The following SLC24A4 variants were observed in gnomAD, a reference collection of about 807,000 sequenced individuals.
The protein encoded by SLC24A4 is sodium/potassium/calcium exchanger 4.
Under a neutral mutation model 79.0 loss-of-function variants are expected in SLC24A4, and 53 were observed. The ratio of observed to expected loss-of-function variants is 0.67; its 90% CI spans 0.54 to 0.84. The LOEUF (loss-of-function observed/expected upper bound fraction) is 0.84. Ranked by LOEUF, SLC24A4 falls within the 40% of genes least tolerant of loss-of-function variation. The pLI is 0.00. For synonymous variants in SLC24A4, 323 were observed against 323.8 expected (o/e 1.00, Z 0.03); for missense variants, 731 against 822.0 (o/e 0.89, Z 1.35).
chr14:92,325,080 T>C (rs576855405), intron 1 of SLC24A4, among the ~76,000 whole-genome samples: 7 of 152,088 alleles, frequency 4.6e-5, no homozygotes, highest in Non-Finnish European at 8.8e-5. Flanking sequence ...GTTTGGATTT[T>C]TTTCCCCCCT....
intron 2 of SLC24A4, among the ~76,000 whole-genome samples, chr14:92,417,982 G>A (rs192287735): frequency 3.1e-3 from 468 of 152,312 alleles, no homozygotes; most frequent in African/African-American, 0.011. Flanking sequence ...TGCTCAACCA[G>A]CACCCACTGA....
At chr14:92,392,970 G>T (rs1286227151) in intron 2 of SLC24A4, among the ~76,000 whole-genome samples, 1 of 146,544 alleles carries the variant, frequency 6.8e-6, no homozygotes, top group East Asian at 2.1e-4. Context: ...ATCTATGAGG[G>T]ACACCTGTTC....
chr14:92,490,564 A>G lies in SLC24A4; in HGVS notation c.1538-1101A>G, dbSNP rs1028861455. Among the ~76,000 whole-genome samples the G allele has an allele frequency of 2.0e-5, 3 of 152,148 alleles. No homozygotes were observed. The highest frequency in any genetic ancestry group is 4.4e-5 in the Non-Finnish European group (3 of 68,020). On this transcript the variant is annotated intron_variant, in intron 14 of 16. Coordinates refer to ENST00000532405, the MANE Select transcript of SLC24A4 (RefSeq NM_153646.4). This position sits in a 1 kb window ranked among gnomAD's most constrained non-coding sequence, Gnocchi z 4.3. ...CGTGGGTGCTGTTGCCTGGGTCCCA[A>G]ATATGCTTCAAGGCTTGGTAAAAAG...
chr14:92,352,071 C>T (rs1398298419), intron 2 of SLC24A4, among the ~76,000 whole-genome samples: 1 of 152,028 alleles, frequency 6.6e-6, no homozygotes, highest in African/African-American at 2.4e-5. Context: ...CCCATTTGAG[C>T]CCCTGCTGTT....
rs1892461415 is a variant in SLC24A4 at position 92,441,051 on chromosome 14, C to T, written c.394-1038C>T. Reference sequence around the variant, plus strand: ...GGTGGCCGGCTTCTGCCCTGGAGATCGATGCTGTGCCCCCACCCCAGACTC... The same window carrying T: ...GGTGGCCGGCTTCTGCCCTGGAGATTGATGCTGTGCCCCCACCCCAGACTC... On this transcript the variant is annotated intron_variant, in intron 4 of 16. Coordinates refer to ENST00000532405, the MANE Select transcript of SLC24A4 (RefSeq NM_153646.4). This position sits in a 1 kb window ranked among gnomAD's most constrained non-coding sequence, Gnocchi z 4.6. Among the ~76,000 whole-genome samples, 1 of 152,066 alleles carries T rather than the reference C, an allele frequency of 6.6e-6. No individual in the cohort carries two copies. The highest frequency in any genetic ancestry group is 1.5e-5 in the Non-Finnish European group (1 of 68,008).
chr14:92,395,398 C>T (rs991829153), intron 2 of SLC24A4, among the ~76,000 whole-genome samples: 1 of 150,894 alleles, frequency 6.6e-6, no homozygotes, highest in Non-Finnish European at 1.5e-5. Context: ...AGCCTCCTTA[C>T]AGGCCAGGGA....
At chr14:92,358,014 A>G (rs1206037147) in intron 2 of SLC24A4, among the ~76,000 whole-genome samples, 1 of 152,224 alleles carries the variant, frequency 6.6e-6, no homozygotes, top group Non-Finnish European at 1.5e-5. Flanking sequence ...TTTGTTTTCA[A>G]TAAGTTAACT....
chr14:92,480,515 G>T (rs918082715), intron 12 of SLC24A4, among the ~76,000 whole-genome samples: 2 of 150,174 alleles, frequency 1.3e-5, no homozygotes, highest in Non-Finnish European at 3.0e-5. Flanking sequence ...GGATGGTCTC[G>T]ATCTCCTGAC....
chr14:92,368,143 A>G (rs1002516803), intron 2 of SLC24A4, among the ~76,000 whole-genome samples: 1 of 152,240 alleles, frequency 6.6e-6, no homozygotes, highest in Non-Finnish European at 1.5e-5. Context: ...AGATCCTCAC[A>G]TCCTAGGGCA....
At chr14:92,327,152 C>A (rs1885191501) in intron 2 of SLC24A4, among the ~76,000 whole-genome samples, 1 of 152,202 alleles carries the variant, frequency 6.6e-6, no homozygotes, top group Non-Finnish European at 1.5e-5. Flanking sequence ...GGTTGGTTCC[C>A]TGTGCTTAGG....
intron 2 of SLC24A4, among the ~76,000 whole-genome samples, chr14:92,375,286 A>G (rs910277625): frequency 1.2e-4 from 19 of 152,348 alleles, no homozygotes; most frequent in Admixed American, 5.9e-4. Context: ...AAAAACAGCA[A>G]CAACAACAAA....
At chr14:92,348,100 G>A (rs1033852432) in intron 2 of SLC24A4, among the ~76,000 whole-genome samples, 2 of 152,130 alleles carry the variant, frequency 1.3e-5, no homozygotes, top group Non-Finnish European at 2.9e-5. Flanking sequence ...CCAGGCCCAG[G>A]GAGAAGAAGG....
chr14:92,483,982 C>T, intron 13 of SLC24A4: 1 of 985,376 alleles, frequency 1.0e-6, no homozygotes, highest in Non-Finnish European at 1.2e-6. Context: ...ACAAAGGATC[C>T]TGGATCACAT....
chr14:92,325,413 G>A (rs1201479207), intron 1 of SLC24A4, among the ~76,000 whole-genome samples: 1 of 152,226 alleles, frequency 6.6e-6, no homozygotes, highest in African/African-American at 2.4e-5. Context: ...ATTCTAACAA[G>A]ATCCCCAGGT....
At chr14:92,473,294 C>T (rs527926364) in intron 12 of SLC24A4, among the ~76,000 whole-genome samples, 1 of 152,294 alleles carries the variant, frequency 6.6e-6, no homozygotes, top group Admixed American at 6.5e-5. Context: ...ACAAGCCCCC[C>T]AGGTAATGTG....
At position 92,389,157 on chromosome 14, in the gene SLC24A4, A is replaced by C. The variant is rs571362460; in HGVS notation, c.242-44755A>C. 2.0e-5 allele frequency among the ~76,000 whole-genome samples: 3 copies of C among 152,242 alleles called. No homozygotes were observed. The East Asian group carries it at 5.8e-4, about 29-fold the overall frequency. On this transcript the variant is annotated intron_variant, in intron 2 of 16. Coordinates refer to ENST00000532405, the MANE Select transcript of SLC24A4 (RefSeq NM_153646.4). ...TGGATGATGGATGCATGGAAGTTCA[A>C]TGTGTGCTGTGTCTATTCCTATGTA...
chr14:92,465,186 G>A (rs1476572641), intron 12 of SLC24A4, among the ~76,000 whole-genome samples: 1 of 152,200 alleles, frequency 6.6e-6, no homozygotes, highest in Non-Finnish European at 1.5e-5. Context: ...AATATGCTTG[G>A]TGCTTTTTGC....
At chr14:92,373,847 C>T (rs928192415) in intron 2 of SLC24A4, among the ~76,000 whole-genome samples, 1 of 152,070 alleles carries the variant, frequency 6.6e-6, no homozygotes, top group Non-Finnish European at 1.5e-5. Flanking sequence ...ATGTAATGCC[C>T]CTCCCCACAG....
At chr14:92,390,157 T>C (rs1889384956) in intron 2 of SLC24A4, among the ~76,000 whole-genome samples, 1 of 152,106 alleles carries the variant, frequency 6.6e-6, no homozygotes, top group South Asian at 2.1e-4. Flanking sequence ...CCCAGGCCTG[T>C]GTCCCCTCCA....
Sources: allele counts gnomAD v4.1 joint callset (sites outside exome capture counted in the v4.1 genomes callset), GRCh38; gene constraint gnomAD v4.1.1; non-coding constraint Gnocchi (gnomAD v3.1); transcripts MANE v1.5; gene names NCBI Gene and HGNC (gene_info 2026-07-23, HGNC 2026-07-21).